Variants in ARPP21 observed in about 807,000 individuals in gnomAD.
ARPP21 encodes cAMP regulated phosphoprotein 21, also known as cAMP-regulated phosphoprotein 21.
In ARPP21, 69 loss-of-function variants were observed where a neutral mutation model predicts 113.2. The observed-to-expected ratio is 0.61, with a 90% confidence interval of 0.50 to 0.74. ARPP21 has a LOEUF of 0.74. ARPP21 is among the 30% of genes least tolerant of loss of function. The pLI is 0.00. For missense variants in ARPP21, 1,070 were observed against 1,037.4 expected, an observed-to-expected ratio of 1.03 and a Z score of -0.43; for synonymous variants, 368 against 375.5, an observed-to-expected ratio of 0.98 and a Z score of 0.23.
At position 35,690,848 on chromosome 3, in the gene ARPP21, C is replaced by A; in HGVS notation, c.546-17C>A. 6.3e-7 allele frequency: 1 copy of A among 1,579,010 alleles called. No homozygotes were observed. Among genetic ancestry groups the A allele is most frequent in the Non-Finnish European group, 8.6e-7 (1 of 1,164,448 alleles). On this transcript the variant is annotated splice_polypyrimidine_tract_variant and intron_variant, in intron 8 of 20. Coordinates refer to ENST00000684406, the MANE Select transcript of ARPP21 (RefSeq NM_001385562.1). ...AATGAAAATGCTGATTCCACTTTTT[C>A]TTGAATTATGTTCTAGTAATCATTA...
intron 19 of ARPP21, among the ~76,000 whole-genome samples, chr3:35,766,096 T>C (rs1198576064): frequency 6.6e-6 from 1 of 152,148 alleles, no homozygotes; most frequent in East Asian, 1.9e-4. Context: ...GAGTATCCAA[T>C]AACCAATGCA....
chr3:35,658,104 T>C (rs1236996465), intron 1 of ARPP21, among the ~76,000 whole-genome samples: 1 of 152,154 alleles, frequency 6.6e-6, no homozygotes, highest in Non-Finnish European at 1.5e-5. Context: ...TTGGCATCTT[T>C]CTTTAATCAG....
At chr3:35,687,124 G>T (rs1398732006) in intron 5 of ARPP21, among the ~76,000 whole-genome samples, 2 of 150,994 alleles carry the variant, frequency 1.3e-5, no homozygotes, top group East Asian at 2.0e-4. Flanking sequence ...TCATTATAAT[G>T]ATTTATTAGT....
Position 35,794,008 on chromosome 3 carries a change from G to A in ARPP21, c.*50G>A. The A allele has an allele frequency of 1.9e-6, 3 of 1,545,170 alleles. No individual in the cohort carries two copies. The highest frequency in any genetic ancestry group is 2.6e-6 in the Non-Finnish European group (3 of 1,136,152). ...TCAGATATTTCTCATGGCCTTTGAT[G>A]GAAGAGGAACAAGGTGGGAAAACTG... On this transcript the variant is annotated 3_prime_UTR_variant, in exon 21 of 21. Transcript: ENST00000684406.
chr3:35,648,338 C>A (rs1392132981), intron 1 of ARPP21, among the ~76,000 whole-genome samples: 1 of 152,122 alleles, frequency 6.6e-6, no homozygotes, highest in Non-Finnish European at 1.5e-5. Flanking sequence ...AATAAATAAC[C>A]AAATCATTGA....
intron 19 of ARPP21, among the ~76,000 whole-genome samples, chr3:35,772,170 A>G (rs1052364326): frequency 1.3e-5 from 2 of 152,170 alleles, no homozygotes; most frequent in Non-Finnish European, 2.9e-5. Context: ...AATTTGAAGC[A>G]TTTGTGGGCA....
chr3:35,716,403 A>T (rs1386916001), intron 12 of ARPP21, among the ~76,000 whole-genome samples: 1 of 152,104 alleles, frequency 6.6e-6, no homozygotes, highest in East Asian at 1.9e-4. Context: ...GACATTAAAG[A>T]TGATTGGCTT....
chr3:35,764,388 AG>A (rs2095878643), intron 19 of ARPP21, among the ~76,000 whole-genome samples: 1 of 152,198 alleles, frequency 6.6e-6, no homozygotes, highest in South Asian at 2.1e-4. Context: ...AACATTTAAA[AG>A]TTGTCAACTA....
At chr3:35,659,425 A>C (rs1343487596) in intron 1 of ARPP21, among the ~76,000 whole-genome samples, 2 of 152,198 alleles carry the variant, frequency 1.3e-5, no homozygotes, top group Non-Finnish European at 2.9e-5. Context: ...TTAGATGATT[A>C]GAAGACATTT....
intron 14 of ARPP21, among the ~76,000 whole-genome samples, chr3:35,729,077 T>C (rs2093761873): frequency 6.6e-6 from 1 of 152,206 alleles, no homozygotes; most frequent in Non-Finnish European, 1.5e-5. Flanking sequence ...TTCTCATTCT[T>C]AATTCCTCTT....
chr3:35,666,976 C>T (rs560846838), intron 1 of ARPP21, among the ~76,000 whole-genome samples: 121 of 152,318 alleles, frequency 7.9e-4, no homozygotes, highest in Middle Eastern at 3.4e-3. Flanking sequence ...CATGTAGTAA[C>T]TATTATCCTC....
intron 1 of ARPP21, among the ~76,000 whole-genome samples, chr3:35,667,005 T>C (rs1190851135): frequency 6.6e-6 from 1 of 152,168 alleles, no homozygotes; most frequent in African/African-American, 2.4e-5. Context: ...CAAAAGCGTA[T>C]GGATAAAATT....
chr3:35,729,175 C>G (rs1344050186), intron 14 of ARPP21, 128 bp from the exon 15 acceptor site: 6 of 625,750 alleles, frequency 9.6e-6, no homozygotes, highest in Non-Finnish European at 1.7e-5. Context: ...ATTAGTTAAT[C>G]TCATCCTACA....
intron 15 of ARPP21, among the ~76,000 whole-genome samples, chr3:35,736,613 G>C (rs2094367719): frequency 6.6e-6 from 1 of 151,990 alleles, no homozygotes. Flanking sequence ...TAAAACCCCG[G>C]GTATCCTTGC....
intron 19 of ARPP21, among the ~76,000 whole-genome samples, chr3:35,776,551 C>CT (rs1207706617): frequency 6.6e-6 from 1 of 152,054 alleles, no homozygotes; most frequent in African/African-American, 2.4e-5. Context: ...ACTCAGCACC[C>CT]TTTTGCCCTA....
At chr3:35,782,314 T>G (rs1245218721) in intron 19 of ARPP21, among the ~76,000 whole-genome samples, 1 of 152,184 alleles carries the variant, frequency 6.6e-6, no homozygotes, top group Non-Finnish European at 1.5e-5. Flanking sequence ...CTCCTTGATC[T>G]TTAACCAAGT....
intron 6 of ARPP21, among the ~76,000 whole-genome samples, chr3:35,689,074 T>C (rs1043408499): frequency 6.6e-6 from 1 of 151,568 alleles, no homozygotes; most frequent in Non-Finnish European, 1.5e-5. Context: ...TCCCCTCCTA[T>C]GACATTTGGA....
intron 5 of ARPP21, chr3:35,684,200 C>A: frequency 7.6e-7 from 1 of 1,320,132 alleles, no homozygotes; most frequent in Non-Finnish European, 9.8e-7. Flanking sequence ...TCTCAGCTCC[C>A]CAAAATGCAC....
intron 1 of ARPP21, among the ~76,000 whole-genome samples, chr3:35,656,109 A>G (rs79293986): frequency 4.2e-4 from 64 of 152,214 alleles, no homozygotes; most frequent in African/African-American, 1.5e-3. Context: ...TTTTTAAAAC[A>G]TATTTTTAAA....
Sources: allele counts gnomAD v4.1 joint callset (sites outside exome capture counted in the v4.1 genomes callset), GRCh38; gene constraint gnomAD v4.1.1; transcripts MANE v1.5; gene names NCBI Gene and HGNC (gene_info 2026-07-23, HGNC 2026-07-21).